Variants in CDK14 observed in about 807,000 individuals in gnomAD.
CDK14 encodes cyclin-dependent kinase 14.
In CDK14, 34 loss-of-function variants were observed where a neutral mutation model predicts 60.7. The observed-to-expected ratio is 0.56, with a 90% CI of 0.43 to 0.75. The LOEUF (loss-of-function observed/expected upper bound fraction) is 0.75, where lower values mean the gene tolerates loss of function less well. Ranked by LOEUF, CDK14 falls within the 30% of genes least tolerant of loss-of-function variation. The pLI is 0.00. For synonymous variants in CDK14, 197 were observed against 203.7 expected, an observed-to-expected ratio of 0.97 and a Z score of 0.28; for missense variants, 482 against 564.1, an observed-to-expected ratio of 0.85 and a Z score of 1.47.
chr7:91,182,083 T>TA (rs1449797175), intron 14 of CDK14, among the ~76,000 whole-genome samples: 1 of 152,102 alleles, frequency 6.6e-6, no homozygotes, highest in African/African-American at 2.4e-5. Context: ...TTTCTGATCT[T>TA]AAAATGATAC....
At chr7:90,922,544 C>T (rs750352954) in intron 8 of CDK14, among the ~76,000 whole-genome samples, 8 of 151,764 alleles carry the variant, frequency 5.3e-5, no homozygotes, top group South Asian at 2.1e-4. Context: ...TTTTATTTGA[C>T]GTGAACTAGA....
At chr7:91,007,961 G>A (rs979193511) in intron 10 of CDK14, among the ~76,000 whole-genome samples, 1 of 151,716 alleles carries the variant, frequency 6.6e-6, no homozygotes, top group African/African-American at 2.4e-5. Flanking sequence ...AAGAGTTGCA[G>A]CCTTTGTGGT....
At chr7:90,871,819 G>A (rs949273196) in intron 6 of CDK14, among the ~76,000 whole-genome samples, 1 of 152,148 alleles carries the variant, frequency 6.6e-6, no homozygotes, top group Non-Finnish European at 1.5e-5. Flanking sequence ...CGTGCATGCC[G>A]TTTCCAGTGG....
chr7:90,758,401 A>G (rs1231587987), intron 4 of CDK14, among the ~76,000 whole-genome samples: 1 of 152,166 alleles, frequency 6.6e-6, no homozygotes, highest in Non-Finnish European at 1.5e-5. Context: ...AAATTCCTGT[A>G]GCATTTAATA....
At chr7:90,605,937 A>G (rs1016815472) in intron 2 of CDK14, among the ~76,000 whole-genome samples, 3 of 152,228 alleles carry the variant, frequency 2.0e-5, no homozygotes, top group African/African-American at 7.2e-5. Context: ...TGAAGGTTAA[A>G]GATGTGTCAA....
intron 8 of CDK14, among the ~76,000 whole-genome samples, chr7:90,942,818 G>A (rs1793974690): frequency 6.6e-6 from 1 of 152,158 alleles, no homozygotes; most frequent in Non-Finnish European, 1.5e-5. Flanking sequence ...AGAACAGTGG[G>A]TAGGGACTTG....
intron 4 of CDK14, among the ~76,000 whole-genome samples, chr7:90,755,601 C>T (rs756741): frequency 0.78 from 117,858 of 152,052 alleles, 45,861 homozygotes; most frequent in East Asian, 0.97. Context: ...CATGTAGCCC[C>T]GTAATCTAAA....
At chr7:90,860,764 C>G (rs1258350653) in intron 5 of CDK14, among the ~76,000 whole-genome samples, 2 of 151,982 alleles carry the variant, frequency 1.3e-5, no homozygotes, top group African/African-American at 4.8e-5. Flanking sequence ...ACCTTGTGAT[C>G]CACCCCGCTC....
chr7:91,148,168 A>G (rs1433762404), intron 14 of CDK14, among the ~76,000 whole-genome samples: 5 of 152,176 alleles, frequency 3.3e-5, no homozygotes, highest in African/African-American at 1.2e-4. Flanking sequence ...CCTTGAGCCC[A>G]GCAGTTCCAC....
intron 12 of CDK14, among the ~76,000 whole-genome samples, chr7:91,104,214 A>G (rs763881343): frequency 2.0e-4 from 31 of 151,866 alleles, no homozygotes; most frequent in Admixed American, 3.9e-4. Flanking sequence ...GTACACCCCC[A>G]CCAACCTGAT....
chr7:91,073,926 A>G (rs1798225341), intron 11 of CDK14, among the ~76,000 whole-genome samples: 1 of 152,244 alleles, frequency 6.6e-6, no homozygotes, highest in Non-Finnish European at 1.5e-5. Flanking sequence ...ATGATGATAA[A>G]CAGTACAATT....
rs1337675147 is a variant in CDK14 at position 91,209,943 on chromosome 7, C to A, written c.*2807C>A. ...AAAGTGAGGCCTCTTGGTATCCTTT[C>A]CTCAGTGTGTATATGACAGCCAGTA... On this transcript the variant is annotated 3_prime_UTR_variant, in exon 15 of 15. Transcript: ENST00000380050. The A allele has an allele frequency of 6.6e-6, 1 of 152,588 alleles. No homozygotes were observed. Among genetic ancestry groups the A allele is most frequent in the Non-Finnish European group, 1.5e-5 (1 of 68,032 alleles). 9.5% of individuals were successfully genotyped at this position (152,588 alleles called of 1,614,324 possible).
Position 90,638,863 on chromosome 7 carries a change from C to T in CDK14, c.123+34614C>T, listed in dbSNP as rs1016888857. On this transcript the variant is annotated intron_variant, in intron 2 of 14. Transcript: ENST00000380050. ...TCTTTTTTCTCTAAACTTCCCTTCT[C>T]GCTTCATTTCATTCATTTCATCTTC... 1.1e-4 allele frequency among the ~76,000 whole-genome samples: 16 copies of T among 151,472 alleles called. 1 individual carries two copies. The East Asian group carries it at 1.2e-3, about 11-fold the overall frequency.
At chr7:90,806,026 A>G (rs1265441324) in intron 5 of CDK14, among the ~76,000 whole-genome samples, 1 of 152,216 alleles carries the variant, frequency 6.6e-6, no homozygotes, top group Admixed American at 6.5e-5. Context: ...ATAAGTTGCA[A>G]GGCAATTCAA....
At chr7:90,861,925 TAA>T in intron 5 of CDK14, among the ~76,000 whole-genome samples, 1 of 152,318 alleles carries the variant, frequency 6.6e-6, no homozygotes. Context: ...AAGTCAACTG[TAA>T]AATTAAAACT....
At chr7:91,164,352 G>A (rs1225965141) in intron 14 of CDK14, among the ~76,000 whole-genome samples, 1 of 152,118 alleles carries the variant, frequency 6.6e-6, no homozygotes, top group Non-Finnish European at 1.5e-5. Context: ...TTAAAGTCCT[G>A]TACGTGTTAC....
chr7:91,108,301 T>C (rs372460175), intron 12 of CDK14, among the ~76,000 whole-genome samples: 41 of 152,180 alleles, frequency 2.7e-4, no homozygotes, highest in African/African-American at 7.5e-4. Context: ...AGTGAGACTC[T>C]GTCTCAAAAA....
intron 14 of CDK14, among the ~76,000 whole-genome samples, chr7:91,199,355 C>T (rs924755851): frequency 6.6e-6 from 1 of 151,822 alleles, no homozygotes; most frequent in African/African-American, 2.4e-5. Context: ...ATTAAACATG[C>T]CTTGGTGTAT....
At chr7:90,967,261 C>T (rs1794781419) in intron 9 of CDK14, among the ~76,000 whole-genome samples, 1 of 151,738 alleles carries the variant, frequency 6.6e-6, no homozygotes, top group African/African-American at 2.4e-5. Context: ...GAATTAGGTT[C>T]GTATTGTATA....
Sources: allele counts gnomAD v4.1 joint callset (sites outside exome capture counted in the v4.1 genomes callset), GRCh38; gene constraint gnomAD v4.1.1; transcripts MANE v1.5; gene names NCBI Gene and HGNC (gene_info 2026-07-23, HGNC 2026-07-21).